SYT16: variants seen among roughly 807,000 people sequenced by gnomAD.
SYT16 encodes synaptotagmin-16.
A neutral mutation model predicts 61.4 loss-of-function variants in SYT16; 42 were observed. The ratio of observed to expected loss-of-function variants is 0.68; its 90% CI spans 0.53 to 0.89. The LOEUF is 0.89. Among genes scored for constraint, SYT16 ranks in the 40% least tolerant of loss-of-function variants. The pLI is 0.00. For synonymous variants in SYT16, 314 were observed against 302.3 expected, an observed-to-expected ratio of 1.04 and a Z score of -0.40; for missense variants, 804 against 807.3, an observed-to-expected ratio of 1.00 and a Z score of 0.05.
At chr14:61,938,979 A>G (rs1403568751) in intron 1 of SYT16, among the ~76,000 whole-genome samples, 5 of 152,190 alleles carry the variant, frequency 3.3e-5, no homozygotes, top group Non-Finnish European at 7.4e-5. Context: ...TACTAAAAAT[A>G]CAAAAATTAG....
intron 1 of SYT16, chr14:61,897,179 T>G (rs575347468): frequency 6.6e-6 from 1 of 152,330 alleles, no homozygotes; most frequent in Admixed American, 6.5e-5. Context: ...TCACACTACA[T>G]TGGCAGAGAT....
chr14:62,018,263 T>C (rs1186543424), intron 3 of SYT16, among the ~76,000 whole-genome samples: 1 of 150,966 alleles, frequency 6.6e-6, no homozygotes, highest in African/African-American at 2.4e-5. Context: ...TCAGGAACTC[T>C]GGTCCCCTTG....
At chr14:61,858,410 A>G (rs2046851709) in intron 1 of SYT16, among the ~76,000 whole-genome samples, 1 of 152,210 alleles carries the variant, frequency 6.6e-6, no homozygotes, top group African/African-American at 2.4e-5. Context: ...TTGAACATTC[A>G]GTTCTTCCCA....
intron 3 of SYT16, among the ~76,000 whole-genome samples, chr14:62,036,656 G>A (rs961338277): frequency 3.9e-5 from 6 of 152,148 alleles, no homozygotes; most frequent in Admixed American, 1.3e-4. Context: ...CACATCTTAC[G>A]TGGTGGCAGG....
Position 62,100,610 on chromosome 14 carries a change from A to G in SYT16, c.1841A>G (p.Gln614Arg). Reference protein sequence around the residue: ...KEMIGWIALGQNSSGEEEQDH... With the variant: ...KEMIGWIALGRNSSGEEEQDH... ...ATGATTGGCTGGATTGCCCTGGGCC[A>G]GAACAGCAGTGGAGAGGAGGAACAA... The change falls in exon 8 of 8, where the codon CAG (glutamine) becomes CGG (arginine). Residue 614 changes from glutamine to arginine, a missense_variant. Physicochemically the swap from Gln to Arg is conservative, Grantham distance 43 (BLOSUM62 1). Coordinates refer to ENST00000683842, the MANE Select transcript of SYT16 (RefSeq NM_001367656.1). The G allele has an allele frequency of 1.9e-6, 3 of 1,613,884 alleles. No individual in the cohort carries two copies. Among genetic ancestry groups the G allele is most frequent in the African/African-American group, 1.3e-5 (1 of 75,050 alleles).
chr14:62,071,067 A>G (rs2056280771), intron 4 of SYT16, among the ~76,000 whole-genome samples: 1 of 152,164 alleles, frequency 6.6e-6, no homozygotes, highest in Non-Finnish European at 1.5e-5. Flanking sequence ...AGCCAACATC[A>G]TGTATTTTAT....
At chr14:61,964,045 A>G (rs1476715016) in intron 1 of SYT16, among the ~76,000 whole-genome samples, 2 of 152,160 alleles carry the variant, frequency 1.3e-5, no homozygotes. Context: ...GCTCGCTGAC[A>G]ATGCACCTGG....
Position 62,023,512 on chromosome 14 carries a change from A to G in SYT16, c.523+26970A>G, listed in dbSNP as rs190702056. 4.5e-3 allele frequency among the ~76,000 whole-genome samples: 688 copies of G among 152,272 alleles called. 3 individuals carry two copies. The highest frequency in any genetic ancestry group is 7.4e-3 in the Non-Finnish European group (504 of 67,996). ...CACTCTTCTGTGCTTACCTACTCCCAGGAATTTTGTCCCAGCTGCTTTGGC... is the reference window on the plus strand; with the variant it reads ...CACTCTTCTGTGCTTACCTACTCCCGGGAATTTTGTCCCAGCTGCTTTGGC... On this transcript the variant is annotated intron_variant, in intron 3 of 7. Transcript: ENST00000683842.
intron 6 of SYT16, among the ~76,000 whole-genome samples, chr14:62,083,913 G>A (rs895915835): frequency 6.6e-6 from 1 of 152,096 alleles, no homozygotes; most frequent in Non-Finnish European, 1.5e-5. Flanking sequence ...TATCTTAGAG[G>A]GTTTGATTTA....
chr14:61,947,386 C>G (rs756144836), intron 1 of SYT16, among the ~76,000 whole-genome samples: 3 of 150,264 alleles, frequency 2.0e-5, no homozygotes, highest in Non-Finnish European at 4.4e-5. Context: ...TAATAGTTTT[C>G]TTAGCCTGCA....
chr14:62,039,064 G>C (rs2054614146), intron 3 of SYT16, among the ~76,000 whole-genome samples: 1 of 152,202 alleles, frequency 6.6e-6, no homozygotes, highest in Non-Finnish European at 1.5e-5. Context: ...ACAAGTGGCA[G>C]AACTAGGACC....
In SYT16 at chr14:62,101,976, G is replaced by A. The variant is rs1005093627; in HGVS notation, c.*1269G>A. 3.9e-5 allele frequency: 6 copies of A among 152,066 alleles called. No individual in the cohort carries two copies. Among genetic ancestry groups the A allele is most frequent in the Non-Finnish European group, 7.4e-5 (5 of 68,006 alleles). The allele number at this position is 152,066 out of a possible 1,614,324, so 9.4% of individuals were successfully genotyped here. A position where few individuals can be genotyped will look rare whatever the true frequency, so the allele number is the denominator to read the frequency against. On this transcript the variant is annotated 3_prime_UTR_variant, in exon 8 of 8. Transcript: ENST00000683842. ...GTTTACTTTCCTTATTCATAGGTCT[G>A]GGCCCTTAATTTCAATTACTTTAAA...
chr14:62,027,730 C>T (rs913044417), intron 3 of SYT16, among the ~76,000 whole-genome samples: 2 of 152,064 alleles, frequency 1.3e-5, no homozygotes, highest in African/African-American at 4.8e-5. Context: ...TTTGACCTGC[C>T]CATTGAATCA....
intron 3 of SYT16, among the ~76,000 whole-genome samples, chr14:62,011,924 C>CATATATATATATATATATATATATATAT (rs71449575): frequency 9.0e-4 from 78 of 87,006 alleles, no homozygotes; most frequent in African/African-American, 3.1e-3. Flanking sequence ...CACACACACA[C>CATATATATATATATATATATATATATAT]ACATATATAT....
intron 1 of SYT16, among the ~76,000 whole-genome samples, chr14:61,906,020 G>T (rs902925463): frequency 6.6e-6 from 1 of 152,186 alleles, no homozygotes; most frequent in African/African-American, 2.4e-5. Flanking sequence ...CTTCCAAAGT[G>T]CTGGGATTAC....
chr14:62,044,485 T>A (rs1038953478), intron 3 of SYT16, among the ~76,000 whole-genome samples: 1 of 152,072 alleles, frequency 6.6e-6, no homozygotes, highest in African/African-American at 2.4e-5. Flanking sequence ...TGGTGTGTGA[T>A]GTTCCCCTCC....
At chr14:62,054,616 C>T (rs1218328334) in intron 3 of SYT16, among the ~76,000 whole-genome samples, 1 of 151,780 alleles carries the variant, frequency 6.6e-6, no homozygotes, top group Non-Finnish European at 1.5e-5. Flanking sequence ...CCTGCCTTGG[C>T]CTCCCAAAGT....
chr14:61,978,035 C>T (rs2051893530), intron 2 of SYT16, among the ~76,000 whole-genome samples: 1 of 152,140 alleles, frequency 6.6e-6, no homozygotes, highest in East Asian at 1.9e-4. Flanking sequence ...CCAATCTCTG[C>T]CTCTGTCTTC....
chr14:61,916,385 T>C (rs1247702859), intron 1 of SYT16, among the ~76,000 whole-genome samples: 3 of 152,226 alleles, frequency 2.0e-5, no homozygotes, highest in Admixed American at 2.0e-4. Context: ...GTGTTTTATG[T>C]GCTCCTATTA....
Sources: allele counts gnomAD v4.1 joint callset (sites outside exome capture counted in the v4.1 genomes callset), GRCh38; gene constraint gnomAD v4.1.1; transcripts MANE v1.5; gene names NCBI Gene and HGNC (gene_info 2026-07-23, HGNC 2026-07-21).